The following SCAMP4 variants were observed in gnomAD, a reference collection of about 807,000 sequenced individuals.
SCAMP4 encodes the protein secretory carrier membrane protein 4, also known as secretory carrier-associated membrane protein 4.
Under a neutral mutation model 32.1 loss-of-function variants are expected in SCAMP4, and 19 were observed. The observed-to-expected ratio is 0.59, with a 90% CI of 0.41 to 0.87. The LOEUF (loss-of-function observed/expected upper bound fraction) is 0.87, where lower values mean the gene tolerates loss of function less well. SCAMP4 is among the 40% of genes least tolerant of loss of function. The pLI is 0.00. For missense variants in SCAMP4, 302 were observed against 309.0 expected, an observed-to-expected ratio of 0.98 and a Z score of 0.17; for synonymous variants, 152 against 132.7, an observed-to-expected ratio of 1.15 and a Z score of -1.00.
chr19:1,923,987 A>G (rs62127758), intron 6 of SCAMP4, 121 bp from the exon 7 acceptor site: 1 of 291,048 alleles, frequency 3.4e-6, no homozygotes, highest in East Asian at 3.6e-5. Context: ...CTCGAACTCC[A>G]GAGCTCAGAC....
intron 2 of SCAMP4, 33 bp from the exon 3 acceptor site, chr19:1,917,661 C>T: frequency 6.2e-7 from 1 of 1,613,414 alleles, no homozygotes. Context: ...GAGACAAAGT[C>T]TGGTTCTGTC....
rs751222117 is a variant in SCAMP4, at chr19:1,924,140, C to G, written c.546C>G (p.Ser182Arg). The G allele has an allele frequency of 1.9e-6, 3 of 1,611,656 alleles. No homozygotes were observed. In the Admixed American group the frequency reaches 5.0e-5, roughly 27 times the overall value. ...VHRIYRGAGG[S>R]FQKAQTEWNT... ...GGATCTACCGAGGGGCTGGCGGAAG[C>G]TTCCAGAAGGCACAGACGGAGTGGA... is the stretch of plus-strand genomic sequence containing the variant. Residue 182 changes from serine (S) to arginine (R), a missense_variant, in exon 7 of 7, where the codon AGC becomes AGG. Ser to Arg is a moderately radical substitution (Grantham distance 110). Coordinates refer to ENST00000316097, the MANE Select transcript of SCAMP4 (RefSeq NM_079834.4).
At chr19:1,923,240 G>T in intron 6 of SCAMP4, 53 bp downstream of exon 6, 2 of 1,455,420 alleles carry the variant, frequency 1.4e-6, no homozygotes, top group East Asian at 2.6e-5. Flanking sequence ...CATGAACCTC[G>T]TCACCCAACT....
In SCAMP4 at chr19:1,918,175, G is replaced by T; in HGVS notation, c.185G>T (p.Trp62Leu). Reference protein sequence around the residue: ...GVNLIACLAWWIGGGSGTNFG... With the variant: ...GVNLIACLAWLIGGGSGTNFG... ...AACCTCATTGCCTGCCTGGCCTGGT[G>T]GATCGGCGGAGGCTCGGGGACCAAC... Residue 62 changes from tryptophan to leucine, a missense_variant, in exon 4 of 7, where the codon TGG (tryptophan) becomes TTG (leucine). Trp to Leu is a moderately conservative substitution (Grantham distance 61). Coordinates refer to ENST00000316097, the MANE Select transcript of SCAMP4 (RefSeq NM_079834.4). The T allele has an allele frequency of 6.2e-7, 1 of 1,612,936 alleles. No homozygotes were observed. Among genetic ancestry groups the T allele is most frequent in the Non-Finnish European group, 8.5e-7 (1 of 1,179,822 alleles).
rs756306772 is a variant in SCAMP4, at chr19:1,908,538, A to G, written c.-42+3099A>G. On this transcript the variant is annotated intron_variant, in intron 1 of 6. Transcript: ENST00000316097. This position sits in a 1 kb window ranked among gnomAD's most constrained non-coding sequence, Gnocchi z 4.2. ...GATGTGTAGTCCAGGCTGGCAGTTCAGGATCACCCGGCTGGAGTCATTTTA... is the reference window on the plus strand; with the variant it reads ...GATGTGTAGTCCAGGCTGGCAGTTCGGGATCACCCGGCTGGAGTCATTTTA... 8.5e-6 allele frequency: 4 copies of G among 471,184 alleles called. No homozygotes were observed. The highest frequency in any genetic ancestry group is 6.5e-4 in the Middle Eastern group (2 of 3,078). The allele number at this position is 471,184 out of a possible 1,614,324, so 29.2% of individuals were successfully genotyped here. A position where few individuals can be genotyped will look rare whatever the true frequency, so the allele number is the denominator to read the frequency against.
At chr19:1,913,604 T>C (rs1340963712) in intron 1 of SCAMP4, among the ~76,000 whole-genome samples, 1 of 152,180 alleles carries the variant, frequency 6.6e-6, no homozygotes, top group African/African-American at 2.4e-5. Context: ...CCCCAGCTGC[T>C]GCCTCCTTTC....
chr19:1,918,222 C>G lies in SCAMP4; in HGVS notation c.232C>G (p.Leu78Val). The change falls in exon 4 of 7, where the codon CTG becomes GTG. Residue 78 changes from leucine (L) to valine (V), a missense_variant. Leu to Val is a conservative substitution (Grantham distance 32). Coordinates refer to ENST00000316097, the MANE Select transcript of SCAMP4 (RefSeq NM_079834.4). ...CAACTTCGGCCTGGCCTTCGTGTGGCTGCTCCTGTTCACGCCTTGCGGCTA... is the reference window on the plus strand; with the variant it reads ...CAACTTCGGCCTGGCCTTCGTGTGGGTGCTCCTGTTCACGCCTTGCGGCTA... ...GTNFGLAFVW[L>V]LLFTPCGYVC... 6.2e-7 allele frequency: 1 copy of G among 1,611,406 alleles called. No individual in the cohort carries two copies. The highest frequency in any genetic ancestry group is 8.5e-7 in the Non-Finnish European group (1 of 1,179,792).
Position 1,924,048 on chromosome 19 carries a change from C to T in SCAMP4, c.514-60C>T, listed in dbSNP as rs565598324. On this transcript the variant is annotated intron_variant, in intron 6 of 6. Transcript: ENST00000316097. ...GTGCTGGGATGACAGGCGTGAGTCC[C>T]CGTGCCCGGCCGCCATGCTCATTTT... 1.9e-5 allele frequency: 28 copies of T among 1,481,126 alleles called. No homozygotes were observed. In the East Asian group the frequency reaches 5.8e-4, roughly 31 times the overall value. The allele number at this position is 1,481,126 out of a possible 1,614,324, so 91.7% of individuals were successfully genotyped here. A position where few individuals can be genotyped will look rare whatever the true frequency, so the allele number is the denominator to read the frequency against.
At chr19:1,914,133 C>T (rs1006916604) in intron 1 of SCAMP4, among the ~76,000 whole-genome samples, 1 of 152,152 alleles carries the variant, frequency 6.6e-6, no homozygotes, top group African/African-American at 2.4e-5. Flanking sequence ...AGCATTTGGG[C>T]CTCCTTCATG....
chr19:1,923,680 G>A (rs1392737840), intron 6 of SCAMP4, among the ~76,000 whole-genome samples: 3 of 146,022 alleles, frequency 2.1e-5, no homozygotes, highest in Non-Finnish European at 4.4e-5. Context: ...GTGTAGTGGT[G>A]CGATCTCTGC....
intron 1 of SCAMP4, among the ~76,000 whole-genome samples, chr19:1,909,686 C>T (rs1056889506): frequency 3.3e-5 from 5 of 152,192 alleles, no homozygotes; most frequent in Non-Finnish European, 5.9e-5. Context: ...GCACACTGCC[C>T]GGCAGTCAGG....
At position 1,912,286 on chromosome 19, in the gene SCAMP4, C is replaced by T. The variant is rs753381924; in HGVS notation, c.-41-2693C>T. Reference sequence around the variant, plus strand: ...ACCTCACGCCTCCTGAAGGAGGTGTCGGCCCTGCACCCGCTCCCCGCCCAG... The same window carrying T: ...ACCTCACGCCTCCTGAAGGAGGTGTTGGCCCTGCACCCGCTCCCCGCCCAG... On this transcript the variant is annotated intron_variant, in intron 1 of 6. Transcript: ENST00000316097. 5 of 1,577,042 alleles carry T rather than the reference C, an allele frequency of 3.2e-6. No homozygotes were observed. The highest frequency in any genetic ancestry group is 2.4e-5 in the East Asian group (1 of 42,280).
chr19:1,920,967 G>GC (rs1568773871), intron 5 of SCAMP4: 87 of 985,306 alleles, frequency 8.8e-5, no homozygotes, highest in Non-Finnish European at 9.5e-5. Flanking sequence ...CGCAGGTCAC[G>GC]GGAGAAGCTG....
chr19:1,915,159 G>C, intron 2 of SCAMP4, 133 bp downstream of exon 2: 1 of 1,056,274 alleles, frequency 9.5e-7, no homozygotes, highest in South Asian at 1.3e-5. Flanking sequence ...GACTCCTCGG[G>C]TCCCGTAGCC....
At chr19:1,917,418 G>A (rs558695508) in intron 2 of SCAMP4, among the ~76,000 whole-genome samples, 58 of 152,324 alleles carry the variant, frequency 3.8e-4, no homozygotes, top group African/African-American at 1.3e-3. Context: ...CTTGCCCAGC[G>A]TCTAGAGGCG....
chr19:1,912,903 G>A lies in SCAMP4; in HGVS notation c.-41-2076G>A, dbSNP rs879800874. The A allele has an allele frequency of 5.0e-6, 8 of 1,608,562 alleles. No individual in the cohort carries two copies. Among genetic ancestry groups the A allele is most frequent in the South Asian group, 1.1e-5 (1 of 91,068 alleles). On this transcript the variant is annotated intron_variant, in intron 1 of 6. Coordinates refer to ENST00000316097, the MANE Select transcript of SCAMP4 (RefSeq NM_079834.4). ...CGCAGGCGCCGTGCGTAAACTGGAC[G>A]CAGACGAGGACGGCCTCCCCTACCT... is the stretch of plus-strand genomic sequence containing the variant.
intron 5 of SCAMP4, chr19:1,919,268 C>T (rs1446956089): frequency 3.5e-5 from 45 of 1,301,966 alleles, no homozygotes; most frequent in Non-Finnish European, 4.4e-5. Context: ...CCCAGCCAGG[C>T]TTGTCTCCTG....
chr19:1,912,489 C>T, intron 1 of SCAMP4: 1 of 1,497,262 alleles, frequency 6.7e-7, no homozygotes. Flanking sequence ...GCCCGCCCGG[C>T]CGCCTCTGAC....
intron 5 of SCAMP4, 32 bp from the exon 6 acceptor site, chr19:1,923,038 C>T: frequency 3.3e-6 from 5 of 1,511,934 alleles, no homozygotes; most frequent in Non-Finnish European, 4.5e-6. Context: ...AGCAGGTGTG[C>T]AGGCACCCAC....
Sources: allele counts gnomAD v4.1 joint callset (sites outside exome capture counted in the v4.1 genomes callset), GRCh38; gene constraint gnomAD v4.1.1; non-coding constraint Gnocchi (gnomAD v3.1); transcripts MANE v1.5; gene names NCBI Gene and HGNC (gene_info 2026-07-23, HGNC 2026-07-21).